The following ADAT1 variants were observed in gnomAD, a reference collection of about 807,000 sequenced individuals.
The protein encoded by ADAT1 is adenosine deaminase tRNA specific 1, also known as tRNA-specific adenosine deaminase 1.
Under a neutral mutation model 58.6 loss-of-function variants are expected in ADAT1, and 58 were observed. The observed-to-expected ratio is 0.99, with a 90% CI of 0.80 to 1.23. The LOEUF (loss-of-function observed/expected upper bound fraction) is 1.23. Ranked by LOEUF, ADAT1 falls within the 50% of genes most tolerant of loss-of-function variation. The pLI is 0.00. For missense variants in ADAT1, 741 were observed against 608.6 expected, an observed-to-expected ratio of 1.22 and a Z score of -2.29; for synonymous variants, 254 against 220.8, an observed-to-expected ratio of 1.15 and a Z score of -1.33.
intron 7 of ADAT1, 90 bp downstream of exon 7, chr16:75,608,753 C>T: frequency 1.3e-6 from 2 of 1,498,402 alleles, no homozygotes; most frequent in East Asian, 2.3e-5. Context: ...GGTGAACTAC[C>T]TTCCTAGGCT....
chr16:75,616,322 GCTGTAT>G (rs1431436583), intron 5 of ADAT1, among the ~76,000 whole-genome samples: 2 of 152,044 alleles, frequency 1.3e-5, no homozygotes, highest in African/African-American at 4.8e-5. Context: ...TCTTTCTTAA[GCTGTAT>G]CTATATTTTC....
At chr16:75,617,977 AC>A (rs918177220) in intron 4 of ADAT1, among the ~76,000 whole-genome samples, 1 of 150,952 alleles carries the variant, frequency 6.6e-6, no homozygotes, top group Admixed American at 6.6e-5. Flanking sequence ...TGCGCCTGTA[AC>A]CCCAGCTATT....
In ADAT1 at chr16:75,612,272, C is replaced by T. The variant is rs776792774; in HGVS notation, c.1014G>A (p.Gln338=). 7 of 1,614,020 alleles carry T rather than the reference C, an allele frequency of 4.3e-6. No homozygotes were observed. Among genetic ancestry groups the T allele is most frequent in the Middle Eastern group, 1.6e-4 (1 of 6,084 alleles). The change falls in exon 6 of 10, where the codon CAG becomes CAA. Residue 338 remains glutamine, a synonymous_variant. Transcript: ENST00000564657. ...CAATCAGTGCTCTCTGCATGGCTTCCTGGCTGTATGGGCACTTCCCAATGA... is the reference window on the plus strand; with the variant it reads ...CAATCAGTGCTCTCTGCATGGCTTCTTGGCTGTATGGGCACTTCCCAATGA... ...AVVIGKCPYS[Q]EAMQRALIGR... is the part of the protein sequence containing the mutation.
At chr16:75,619,187 G>A (rs1028931604) in intron 3 of ADAT1, among the ~76,000 whole-genome samples, 1 of 152,142 alleles carries the variant, frequency 6.6e-6, no homozygotes, top group African/African-American at 2.4e-5. Flanking sequence ...AATGGTAGAA[G>A]CCAACTCAAA....
In ADAT1 at chr16:75,599,113, G is replaced by C; in HGVS notation, c.*1103C>G. ...TTTTTTTTTTTTGAGATAGGGTCTT[G>C]CTCTATCACCCAGGCTGGAGTGCAG... is the stretch of plus-strand genomic sequence containing the variant. On this transcript the variant is annotated 3_prime_UTR_variant, in exon 10 of 10. Transcript: ENST00000564657. 1.1e-6 allele frequency: 1 copy of C among 926,612 alleles called. No homozygotes were observed. The highest frequency in any genetic ancestry group is 1.2e-4 in the Admixed American group (1 of 8,138). The allele number at this position is 926,612 out of a possible 1,614,324, so 57.4% of individuals were successfully genotyped here.
chr16:75,605,648 G>T (rs1313378877), intron 8 of ADAT1, among the ~76,000 whole-genome samples: 1 of 151,764 alleles, frequency 6.6e-6, no homozygotes, highest in African/African-American at 2.4e-5. Flanking sequence ...AAAAAATCCC[G>T]AAAAAGGCTG....
At chr16:75,612,147 G>C in intron 6 of ADAT1, 96 bp downstream of exon 6, 6 of 1,335,384 alleles carry the variant, frequency 4.5e-6, no homozygotes, top group Non-Finnish European at 5.1e-6. Flanking sequence ...GGAACTGCTG[G>C]ATCAAAAGGT....
intron 9 of ADAT1, chr16:75,602,063 GAGAT>G (rs766280713): frequency 3.3e-5 from 5 of 152,104 alleles, no homozygotes; most frequent in African/African-American, 4.8e-5. Context: ...GTGGGCCCCC[GAGAT>G]AGTTTCAGGA....
At position 75,612,366 on chromosome 16, in the gene ADAT1, T is replaced by C. The variant is rs774640118; in HGVS notation, c.920A>G (p.Asn307Ser). 3 of 1,614,216 alleles carry C rather than the reference T, an allele frequency of 1.9e-6. No homozygotes were observed. In the East Asian group the frequency reaches 6.7e-5, roughly 36 times the overall value. The change falls in exon 6 of 10, where the codon AAC (asparagine) becomes AGC (serine). Residue 307 changes from asparagine (N) to serine (S), a missense_variant. Asn to Ser is a conservative substitution (Grantham distance 46). Transcript: ENST00000564657. ...CAGTGCCCCTTGGCATCCGAGGACGTTCCATCGGGCCATCTTGTCACTACA... is the reference window on the plus strand; with the variant it reads ...CAGTGCCCCTTGGCATCCGAGGACGCTCCATCGGGCCATCTTGTCACTACA... ...MSCSDKMARW[N>S]VLGCQGALLM...
intron 3 of ADAT1, among the ~76,000 whole-genome samples, chr16:75,619,239 G>A (rs546184167): frequency 1.3e-5 from 2 of 152,056 alleles, no homozygotes; most frequent in Admixed American, 6.6e-5. Context: ...CCCAGATCTC[G>A]GCCAGGGACG....
chr16:75,611,497 C>T (rs2081532520), intron 6 of ADAT1, among the ~76,000 whole-genome samples: 1 of 152,022 alleles, frequency 6.6e-6, no homozygotes, highest in South Asian at 2.1e-4. Flanking sequence ...GGTGATCCTC[C>T]TGCCTCAGCT....
At chr16:75,615,430 T>C (rs909472634) in intron 5 of ADAT1, among the ~76,000 whole-genome samples, 3 of 134,566 alleles carry the variant, frequency 2.2e-5, no homozygotes, top group African/African-American at 5.8e-5. Flanking sequence ...GAATAAAAAT[T>C]GTCTTGGGCC....
At position 75,600,495 on chromosome 16, in the gene ADAT1, T is replaced by C. The variant is rs189517674; in HGVS notation, c.1377-147A>G. The C allele has an allele frequency of 1.4e-4, 187 of 1,339,958 alleles. 1 individual carries two copies. In the East Asian group the frequency reaches 2.2e-3, roughly 16 times the overall value. The allele number at this position is 1,339,958 out of a possible 1,614,324, so 83.0% of individuals were successfully genotyped here. A position where few individuals can be genotyped will look rare whatever the true frequency, so the allele number is the denominator to read the frequency against. On this transcript the variant is annotated intron_variant, in intron 9 of 9. Transcript: ENST00000564657. ...AGTATGCTTTTGTGAAAGTTGATCA[T>C]ACAAACTACGTTATTCTTGTCATAC... is the stretch of plus-strand genomic sequence containing the variant.
chr16:75,613,028 A>G (rs966464834), intron 5 of ADAT1, among the ~76,000 whole-genome samples, 167 bp from the exon 6 acceptor site: 2 of 152,182 alleles, frequency 1.3e-5, no homozygotes, highest in Non-Finnish European at 2.9e-5. Flanking sequence ...GTTTTTAACA[A>G]GCTCTCCAGG....
rs191292563 is a variant in ADAT1, at chr16:75,618,299, G to A, written c.293+287C>T. Among the ~76,000 whole-genome samples, 417 of 151,982 alleles carry A rather than the reference G, an allele frequency of 2.7e-3. 2 individuals are homozygous for A. The highest frequency in any genetic ancestry group is 0.012 in the South Asian group (56 of 4,810). ...AGGCGTGTGGATAATGAGGTCAGGA[G>A]TTTAAAACCAGCCTGGCCAGCATGG... On this transcript the variant is annotated intron_variant, in intron 4 of 9. Transcript: ENST00000564657.
chr16:75,611,865 C>G (rs545080200), intron 6 of ADAT1, among the ~76,000 whole-genome samples: 7 of 152,014 alleles, frequency 4.6e-5, no homozygotes, highest in African/African-American at 1.7e-4. Context: ...TGAGACCAGC[C>G]TGACCAACAT....
chr16:75,600,052 A>G lies in ADAT1; in HGVS notation c.*164T>C. On this transcript the variant is annotated 3_prime_UTR_variant, in exon 10 of 10. Coordinates refer to ENST00000564657, the MANE Select transcript of ADAT1 (RefSeq NM_001324445.2). ...TAGCAGAGAGCTACTTCAATCAAGT[A>G]TAGCTTGCTCTAAGTTCCAGATTCC... The G allele has an allele frequency of 2.7e-6, 4 of 1,479,542 alleles. No individual in the cohort carries two copies. The highest frequency in any genetic ancestry group is 2.4e-5 in the Admixed American group (1 of 41,876). 91.7% of individuals were successfully genotyped at this position (1,479,542 alleles called of 1,614,324 possible).
At chr16:75,621,469 T>C (rs2081928458) in intron 1 of ADAT1, among the ~76,000 whole-genome samples, 1 of 152,042 alleles carries the variant, frequency 6.6e-6, no homozygotes, top group Non-Finnish European at 1.5e-5. Flanking sequence ...CTGGGTCTGT[T>C]TCCTCATCTG....
chr16:75,620,536 T>A, intron 2 of ADAT1, 95 bp downstream of exon 2: 3 of 1,500,882 alleles, frequency 2.0e-6, no homozygotes, highest in Non-Finnish European at 2.7e-6. Context: ...ACATCGTAGT[T>A]CACACCCTAC....
Sources: allele counts gnomAD v4.1 joint callset (sites outside exome capture counted in the v4.1 genomes callset), GRCh38; gene constraint gnomAD v4.1.1; transcripts MANE v1.5; gene names NCBI Gene and HGNC (gene_info 2026-07-23, HGNC 2026-07-21).